The following DLGAP1 variants were observed in gnomAD, a reference collection of about 807,000 sequenced individuals.
DLGAP1 encodes DLG associated protein 1, also known as disks large-associated protein 1.
A neutral mutation model predicts 90.8 loss-of-function variants in DLGAP1; 11 were observed. That is an observed-to-expected ratio of 0.12 (90% CI 0.08 to 0.20). The LOEUF is 0.20. Among genes scored for constraint, DLGAP1 ranks in the 10% least tolerant of loss-of-function variants. The pLI, the probability that DLGAP1 is intolerant of heterozygous loss-of-function variation, is 1.00. For missense variants in DLGAP1, 1,050 were observed against 1,333.8 expected (o/e 0.79, Z 3.31); for synonymous variants, 558 against 540.7 (o/e 1.03, Z -0.44).
In DLGAP1 at chr18:3,821,032, C is replaced by T. The variant is rs561563262; in HGVS notation, c.958-6759G>A. 8.7e-4 allele frequency among the ~76,000 whole-genome samples: 132 copies of T among 152,258 alleles called. 4 individuals carry two copies. The highest frequency in any genetic ancestry group is 8.4e-3 in the Admixed American group (129 of 15,290). ...AAATGCAATGGCTCATGCCTGTAATCCTAGCACTTTGGGAGGCCAAGGCAG... is the reference window on the plus strand; with the variant it reads ...AAATGCAATGGCTCATGCCTGTAATTCTAGCACTTTGGGAGGCCAAGGCAG... On this transcript the variant is annotated intron_variant, in intron 4 of 12. Coordinates refer to ENST00000315677, the MANE Select transcript of DLGAP1 (RefSeq NM_004746.4).
intron 3 of DLGAP1, among the ~76,000 whole-genome samples, chr18:3,904,067 A>G (rs2148884855): frequency 6.6e-6 from 1 of 152,356 alleles, no homozygotes; most frequent in Middle Eastern, 3.4e-3. Context: ...ACCCTAGTCT[A>G]GTGAGAATTT....
At position 3,772,386 on chromosome 18, in the gene DLGAP1, T is replaced by TTC. The variant is rs1234758276; in HGVS notation, c.1173-29876_1173-29875dup. 6.9e-3 allele frequency among the ~76,000 whole-genome samples: 66 copies of TTC among 9,626 alleles called. 4 individuals are homozygous for TTC. Among genetic ancestry groups the TTC allele is most frequent in the Middle Eastern group, 0.25 (2 of 8 alleles). The allele number at this position is 9,626 out of a possible 152,430, so 6.3% of individuals were successfully genotyped here. On this transcript the variant is annotated intron_variant, in intron 5 of 12. Coordinates refer to ENST00000315677, the MANE Select transcript of DLGAP1 (RefSeq NM_004746.4). ...TTTCTTTCTTTCTTTCTTTCTTTCT[T>TTC]TCTTTCTTTCTTTCTTTCTTTCTCT...
chr18:4,372,861 G>A (rs143665953), intron 1 of DLGAP1, among the ~76,000 whole-genome samples: 2,713 of 152,020 alleles, frequency 0.018, 70 homozygotes, highest in African/African-American at 0.061. Flanking sequence ...CCAGGAGGCA[G>A]AGGTTGCCGT....
At chr18:3,623,606 G>A (rs1050379309) in intron 7 of DLGAP1, among the ~76,000 whole-genome samples, 1 of 151,714 alleles carries the variant, frequency 6.6e-6, no homozygotes, top group Non-Finnish European at 1.5e-5. Context: ...TGGCCAATGT[G>A]TCTCTACTAA....
At chr18:4,341,460 T>C (rs2081186562) in intron 1 of DLGAP1, among the ~76,000 whole-genome samples, 1 of 152,126 alleles carries the variant, frequency 6.6e-6, no homozygotes, top group Non-Finnish European at 1.5e-5. Context: ...GACATAATGT[T>C]TCAGTGGACC....
chr18:4,121,305 G>A (rs528732679), intron 2 of DLGAP1, among the ~76,000 whole-genome samples: 2 of 152,258 alleles, frequency 1.3e-5, no homozygotes, highest in Non-Finnish European at 1.5e-5. Flanking sequence ...TAATGCTGTG[G>A]AAGTCAGGAT....
intron 2 of DLGAP1, among the ~76,000 whole-genome samples, chr18:4,117,409 TGCCCCTCCTC>T (rs1200868302): frequency 2.6e-5 from 4 of 152,236 alleles, no homozygotes; most frequent in Non-Finnish European, 5.9e-5. Context: ...GCTTATTGAT[TGCCCCTCCTC>T]CACCCCAGGG....
intron 1 of DLGAP1, among the ~76,000 whole-genome samples, chr18:4,369,633 TG>T (rs1184491913): frequency 6.6e-6 from 1 of 151,688 alleles, no homozygotes; most frequent in Non-Finnish European, 1.5e-5. Flanking sequence ...CCATAGTCAG[TG>T]TTTGACAGAC....
At chr18:4,052,566 T>TGTGAC (rs1223003947) in intron 2 of DLGAP1, among the ~76,000 whole-genome samples, 1 of 152,182 alleles carries the variant, frequency 6.6e-6, no homozygotes, top group Non-Finnish European at 1.5e-5. Flanking sequence ...CCTCCAGGCC[T>TGTGAC]GTGACGGGAG....
chr18:4,040,284 T>C (rs538530152), intron 2 of DLGAP1, among the ~76,000 whole-genome samples: 2 of 152,356 alleles, frequency 1.3e-5, no homozygotes, highest in South Asian at 4.1e-4. Context: ...TAAGTTAATA[T>C]ATGTAAACAG....
At chr18:4,327,115 G>C (rs2080837535) in intron 1 of DLGAP1, among the ~76,000 whole-genome samples, 1 of 151,860 alleles carries the variant, frequency 6.6e-6, no homozygotes, top group Non-Finnish European at 1.5e-5. Context: ...TTTTCGATTA[G>C]ACATAGAAAT....
At chr18:3,627,058 A>C (rs571188872) in intron 7 of DLGAP1, among the ~76,000 whole-genome samples, 1 of 152,324 alleles carries the variant, frequency 6.6e-6, no homozygotes, top group Non-Finnish European at 1.5e-5. Context: ...ATGTACCTGA[A>C]AGAATTACAT....
chr18:4,150,317 C>T (rs1375243010), intron 2 of DLGAP1, among the ~76,000 whole-genome samples: 1 of 152,072 alleles, frequency 6.6e-6, no homozygotes, highest in African/African-American at 2.4e-5. Context: ...TTTTTTTCTC[C>T]CTCCAAAAAC....
chr18:3,679,882 T>C (rs917121149), intron 7 of DLGAP1: 1 of 151,524 alleles, frequency 6.6e-6, no homozygotes, highest in Non-Finnish European at 1.5e-5. Context: ...GATGGGTTCT[T>C]GCTATGTTGT....
rs2069865170 is a variant in DLGAP1 at position 3,859,134 on chromosome 18, C to T, written c.957+19978G>A. 2.6e-5 allele frequency among the ~76,000 whole-genome samples: 4 copies of T among 152,150 alleles called. No individual in the cohort carries two copies. The South Asian group carries it at 8.3e-4, about 31-fold the overall frequency. On this transcript the variant is annotated intron_variant, in intron 4 of 12. Transcript: ENST00000315677. Reference sequence around the variant, plus strand: ...ACACCATCTACAAGTGCTCTGATTTCAAATAGTGATTTGAATGGACATGCT... The same window carrying T: ...ACACCATCTACAAGTGCTCTGATTTTAAATAGTGATTTGAATGGACATGCT...
chr18:3,708,561 G>C, intron 7 of DLGAP1: 1 of 456,434 alleles, frequency 2.2e-6, no homozygotes, highest in South Asian at 1.5e-5. Flanking sequence ...TCCTCTCCAA[G>C]AGCACCTTCA....
intron 5 of DLGAP1, among the ~76,000 whole-genome samples, chr18:3,794,104 C>T (rs2065871587): frequency 6.6e-6 from 1 of 152,134 alleles, no homozygotes; most frequent in South Asian, 2.1e-4. Flanking sequence ...TACTTAAATG[C>T]TTCATTCCTA....
chr18:3,550,170 C>T (rs2053305975), intron 9 of DLGAP1, among the ~76,000 whole-genome samples: 1 of 152,112 alleles, frequency 6.6e-6, no homozygotes. Context: ...CCTCGGCCTC[C>T]CAAAGTGCTG....
chr18:3,747,703 T>C (rs1015102877), intron 5 of DLGAP1, among the ~76,000 whole-genome samples: 1 of 152,220 alleles, frequency 6.6e-6, no homozygotes, highest in Non-Finnish European at 1.5e-5. Context: ...TCATTCACTC[T>C]GGCCACTCGT....
Sources: allele counts gnomAD v4.1 joint callset (sites outside exome capture counted in the v4.1 genomes callset), GRCh38; gene constraint gnomAD v4.1.1; transcripts MANE v1.5; gene names NCBI Gene and HGNC (gene_info 2026-07-23, HGNC 2026-07-21).